Variants in FKTN observed in about 807,000 individuals in gnomAD.
FKTN encodes fukutin, also known as ribitol-5-phosphate transferase FKTN.
Under a neutral mutation model 58.6 loss-of-function variants are expected in FKTN, and 47 were observed. The observed-to-expected ratio is 0.80, with a 90% CI of 0.63 to 1.02. FKTN has a LOEUF of 1.02. Ranked by LOEUF, FKTN falls within the 50% of genes least tolerant of loss-of-function variation. The pLI is 0.00. For missense variants in FKTN, 516 were observed against 537.3 expected (o/e 0.96, Z 0.39); for synonymous variants, 178 against 191.9 (o/e 0.93, Z 0.60).
At position 105,638,131 on chromosome 9, in the gene FKTN, T is replaced by C; in HGVS notation, c.*2867T>C. ...TAAATAATCACAGAAAAGAATGATC[T>C]GAACAAGAACAGCTGAGGCTAAAAC... is the stretch of plus-strand genomic sequence containing the variant. On this transcript the variant is annotated 3_prime_UTR_variant, in exon 11 of 11. Coordinates refer to ENST00000357998, the MANE Select transcript of FKTN (RefSeq NM_001079802.2). 9 of 982,956 alleles carry C rather than the reference T, an allele frequency of 9.2e-6. No homozygotes were observed. The highest frequency in any genetic ancestry group is 1.1e-5 in the Non-Finnish European group (9 of 827,702). 60.9% of individuals were successfully genotyped at this position (982,956 alleles called of 1,614,324 possible). A position where few individuals can be genotyped will look rare whatever the true frequency, so the allele number is the denominator to read the frequency against.
At chr9:105,566,274 A>T (rs1320689209) in intron 1 of FKTN, among the ~76,000 whole-genome samples, 1 of 152,098 alleles carries the variant, frequency 6.6e-6, no homozygotes, top group African/African-American at 2.4e-5. Flanking sequence ...TCAAAAGCTA[A>T]CAGAAGGCAA....
At position 105,607,850 on chromosome 9, in the gene FKTN, C is replaced by G. The variant is rs1564300947; in HGVS notation, c.679C>G (p.Leu227Val). 1 of 1,612,520 alleles carries G rather than the reference C, an allele frequency of 6.2e-7. No individual in the cohort carries two copies. The highest frequency in any genetic ancestry group is 8.5e-7 in the Non-Finnish European group (1 of 1,178,972). The change falls in exon 7 of 11, where the codon CTG (leucine) becomes GTG (valine). Residue 227 changes from leucine (L) to valine (V), a missense_variant. Physicochemically the swap from Leu to Val is conservative, Grantham distance 32 (BLOSUM62 1). Transcript: ENST00000357998. Reference protein sequence around the residue: ...PELQQVTVDGLEVLIPKDPMH... With the variant: ...PELQQVTVDGVEVLIPKDPMH... ...GTTACAGCAAGTTACTGTTGATGGACTGGAAGTTCTCATTCCAAAGGATCC... is the reference window on the plus strand; with the variant it reads ...GTTACAGCAAGTTACTGTTGATGGAGTGGAAGTTCTCATTCCAAAGGATCC...
At chr9:105,587,511 A>T (rs901772411) in intron 3 of FKTN, among the ~76,000 whole-genome samples, 3 of 151,848 alleles carry the variant, frequency 2.0e-5, no homozygotes, top group Non-Finnish European at 2.9e-5. Flanking sequence ...ATCTTTTTTC[A>T]CTTTTGGGCT....
At chr9:105,576,885 T>C (rs1174144642) in intron 3 of FKTN, among the ~76,000 whole-genome samples, 15 of 106,030 alleles carry the variant, frequency 1.4e-4, no homozygotes, top group Admixed American at 5.2e-4. Context: ...TGGTATCTCA[T>C]TGTGGTTTTG....
intron 3 of FKTN, among the ~76,000 whole-genome samples, chr9:105,583,971 A>G (rs955026954): frequency 2.2e-4 from 34 of 152,212 alleles, no homozygotes; most frequent in South Asian, 1.0e-3. Context: ...TTAAATTCTA[A>G]TAAAGAACTG....
Position 105,582,854 on chromosome 9 carries a change from A to ATAATGGCATCTGTTTCAGTT in FKTN, c.105+7718_105+7737dup, listed in dbSNP as rs1436261039. 2.0e-5 allele frequency among the ~76,000 whole-genome samples: 3 copies of ATAATGGCATCTGTTTCAGTT among 152,356 alleles called. No individual in the cohort carries two copies. The East Asian group carries it at 5.8e-4, about 29-fold the overall frequency. Reference sequence around the variant, plus strand: ...CTTTTCATAAATAGGAATAACAATAATAATGGCATCTGTTTCAGTTAGAGA... The same window carrying ATAATGGCATCTGTTTCAGTT: ...CTTTTCATAAATAGGAATAACAATAATAATGGCATCTGTTTCAGTTTAATGGCATCTGTTTCAGTTAGAGA... On this transcript the variant is annotated intron_variant, in intron 3 of 10. Transcript: ENST00000357998.
At chr9:105,599,533 A>G (rs1418234397) in intron 4 of FKTN, among the ~76,000 whole-genome samples, 1 of 136,996 alleles carries the variant, frequency 7.3e-6, no homozygotes, top group Non-Finnish European at 1.5e-5. Context: ...GAGTGCAGCC[A>G]TGTGATCTCG....
At chr9:105,585,562 T>G (rs1237626943) in intron 3 of FKTN, among the ~76,000 whole-genome samples, 1 of 152,248 alleles carries the variant, frequency 6.6e-6, no homozygotes, top group Non-Finnish European at 1.5e-5. Context: ...TTTGTTAAAC[T>G]TATAAATCTC....
chr9:105,604,691 A>G (rs1404721299), intron 6 of FKTN, among the ~76,000 whole-genome samples, 199 bp downstream of exon 6: 1 of 152,196 alleles, frequency 6.6e-6, no homozygotes. Flanking sequence ...ACTGTGGCTC[A>G]TGCATGTAAT....
intron 1 of FKTN, among the ~76,000 whole-genome samples, chr9:105,572,577 T>C (rs1434022797): frequency 6.6e-6 from 1 of 152,132 alleles, no homozygotes; most frequent in African/African-American, 2.4e-5. Flanking sequence ...GGGATCAGGA[T>C]GCATAGAAAG....
In FKTN at chr9:105,637,462, A is replaced by C; in HGVS notation, c.*2198A>C. The stretch of plus-strand genomic sequence containing the variant: ...ATGGGTTCCACCCTAACTTGGGGAA[A>C]CAAAAGCCTTCTCTAGAATCTGAAG... On this transcript the variant is annotated 3_prime_UTR_variant, in exon 11 of 11. Coordinates refer to ENST00000357998, the MANE Select transcript of FKTN (RefSeq NM_001079802.2). The C allele has an allele frequency of 1.0e-6, 1 of 985,488 alleles. No individual in the cohort carries two copies. The highest frequency in any genetic ancestry group is 6.1e-5 in the Admixed American group (1 of 16,274). The allele number at this position is 985,488 out of a possible 1,614,324, so 61.0% of individuals were successfully genotyped here. A position where few individuals can be genotyped will look rare whatever the true frequency, so the allele number is the denominator to read the frequency against.
chr9:105,567,099 T>A (rs558858046), intron 1 of FKTN, among the ~76,000 whole-genome samples: 21 of 152,192 alleles, frequency 1.4e-4, no homozygotes, highest in African/African-American at 5.1e-4. Flanking sequence ...ATTCAACAAC[T>A]CTTCATGCTA....
At chr9:105,570,129 C>A (rs541405805) in intron 1 of FKTN, among the ~76,000 whole-genome samples, 136 of 151,908 alleles carry the variant, frequency 9.0e-4, no homozygotes, top group Non-Finnish European at 1.6e-3. Context: ...GGGCTTTAAA[C>A]TCTTTTAAAA....
chr9:105,571,369 A>G (rs1444943082), intron 1 of FKTN, among the ~76,000 whole-genome samples: 3 of 152,202 alleles, frequency 2.0e-5, no homozygotes, highest in Admixed American at 2.0e-4. Flanking sequence ...AGTGCTAGTG[A>G]AAAGGAACAT....
intron 1 of FKTN, among the ~76,000 whole-genome samples, chr9:105,566,496 C>T (rs1359277635): frequency 3.3e-5 from 5 of 152,242 alleles, no homozygotes; most frequent in South Asian, 2.1e-4. Flanking sequence ...GAAATACAAA[C>T]TACCATCAGA....
chr9:105,583,818 A>G (rs1430604386), intron 3 of FKTN, among the ~76,000 whole-genome samples: 1 of 152,126 alleles, frequency 6.6e-6, no homozygotes, highest in African/African-American at 2.4e-5. Context: ...TTAATGTTTA[A>G]ATTTTTTCAC....
At chr9:105,597,961 A>G in intron 4 of FKTN, 4 of 321,222 alleles carry the variant, frequency 1.2e-5, no homozygotes, top group Non-Finnish European at 1.9e-5. Flanking sequence ...CAAACCTTTT[A>G]GTAAATAGAG....
In FKTN at chr9:105,635,484, A is replaced by C. The variant is rs1307076091; in HGVS notation, c.*220A>C. 1 of 1,418,112 alleles carries C rather than the reference A, an allele frequency of 7.1e-7. No individual in the cohort carries two copies. The highest frequency in any genetic ancestry group is 9.2e-7 in the Non-Finnish European group (1 of 1,091,720). 87.8% of individuals were successfully genotyped at this position (1,418,112 alleles called of 1,614,324 possible). ...AGGTTACAGTGGAGAAGCCTAGATG[A>C]ATGAGACAAATACCTACTTCTTTTA... On this transcript the variant is annotated 3_prime_UTR_variant, in exon 11 of 11. Coordinates refer to ENST00000357998, the MANE Select transcript of FKTN (RefSeq NM_001079802.2).
At chr9:105,574,372 A>T (rs1166750226) in intron 2 of FKTN, 1 of 152,198 alleles carries the variant, frequency 6.6e-6, no homozygotes, top group African/African-American at 2.4e-5. Flanking sequence ...CTTATCCTAA[A>T]GGAATAATCA....
Sources: allele counts gnomAD v4.1 joint callset (sites outside exome capture counted in the v4.1 genomes callset), GRCh38; gene constraint gnomAD v4.1.1; transcripts MANE v1.5; gene names NCBI Gene and HGNC (gene_info 2026-07-23, HGNC 2026-07-21).